Variants in ADARB2 observed in about 807,000 individuals in gnomAD.
The protein encoded by ADARB2 is adenosine deaminase RNA specific B2 (inactive), also known as inactive double-stranded RNA-specific editase B2.
In ADARB2, 25 loss-of-function variants were observed where a neutral mutation model predicts 62.2. The ratio of observed to expected loss-of-function variants is 0.40; its 90% CI spans 0.29 to 0.56. ADARB2 has a LOEUF of 0.56. ADARB2 is among the 20% of genes least tolerant of loss of function. ADARB2 has a pLI of 0.43. For synonymous variants in ADARB2, 572 were observed against 500.8 expected, an observed-to-expected ratio of 1.14 and a Z score of -1.90; for missense variants, 1,071 against 1,077.4, an observed-to-expected ratio of 0.99 and a Z score of 0.08.
chr10:1,371,180 A>G (rs1832366950), intron 2 of ADARB2, among the ~76,000 whole-genome samples: 1 of 152,270 alleles, frequency 6.6e-6, no homozygotes. Flanking sequence ...GCTGACAAAA[A>G]TAAACAATGG....
chr10:1,567,904 C>T (rs1412922344), intron 1 of ADARB2, among the ~76,000 whole-genome samples: 3 of 152,208 alleles, frequency 2.0e-5, no homozygotes, highest in Non-Finnish European at 2.9e-5. Context: ...CCTGACTCCT[C>T]GGAGTGCCCT....
rs917718615 is a variant in ADARB2, at chr10:1,635,882, G to T, written c.100+101169C>A. Among the ~76,000 whole-genome samples, 5 of 152,144 alleles carry T rather than the reference G, an allele frequency of 3.3e-5. No individual in the cohort carries two copies. The South Asian group carries it at 8.3e-4, about 25-fold the overall frequency. ...TCAAAGCCCCTCCACTGACCCAGAG[G>T]CCTCTTATCTAGCAACAGGGCTCTC... is the stretch of plus-strand genomic sequence containing the variant. On this transcript the variant is annotated intron_variant, in intron 1 of 9. Coordinates refer to ENST00000381312, the MANE Select transcript of ADARB2 (RefSeq NM_018702.4).
At chr10:1,463,996 C>T (rs1389264278) in intron 1 of ADARB2, among the ~76,000 whole-genome samples, 3 of 152,208 alleles carry the variant, frequency 2.0e-5, no homozygotes, top group African/African-American at 7.2e-5. Flanking sequence ...GACACACCTG[C>T]GAGAGTGGCT....
At chr10:1,307,416 A>T (rs200692305) in intron 3 of ADARB2, among the ~76,000 whole-genome samples, 224 of 137,426 alleles carry the variant, frequency 1.6e-3, no homozygotes, top group South Asian at 4.3e-3. Context: ...CAATCATTAA[A>T]AAGTCAGGAA....
intron 1 of ADARB2, among the ~76,000 whole-genome samples, chr10:1,390,838 T>C (rs926346820): frequency 2.0e-5 from 3 of 152,230 alleles, no homozygotes; most frequent in African/African-American, 7.2e-5. Flanking sequence ...TCCAGAAAGC[T>C]GCAAGCTGGG....
At chr10:1,440,517 G>A (rs1339414674) in intron 1 of ADARB2, among the ~76,000 whole-genome samples, 1 of 150,760 alleles carries the variant, frequency 6.6e-6, no homozygotes, top group African/African-American at 2.4e-5. Context: ...CCCACATTGT[G>A]ACAAAATTTC....
chr10:1,510,430 C>A (rs942899898), intron 1 of ADARB2, among the ~76,000 whole-genome samples: 2 of 152,114 alleles, frequency 1.3e-5, no homozygotes, highest in Non-Finnish European at 2.9e-5. Flanking sequence ...AATCCTCCCT[C>A]CTCAGCATCC....
chr10:1,202,128 A>C (rs1034085578), intron 7 of ADARB2, among the ~76,000 whole-genome samples: 1 of 151,312 alleles, frequency 6.6e-6, no homozygotes, highest in Non-Finnish European at 1.5e-5. Context: ...TTTTCAATAG[A>C]GACATGGTTT....
chr10:1,615,699 T>G (rs1451523499), intron 1 of ADARB2, among the ~76,000 whole-genome samples: 1 of 152,204 alleles, frequency 6.6e-6, no homozygotes, highest in Non-Finnish European at 1.5e-5. Flanking sequence ...TTTCCTCTAC[T>G]GGAGAAGATG....
At chr10:1,339,132 G>A (rs7906580) in intron 3 of ADARB2, among the ~76,000 whole-genome samples, 3,414 of 152,258 alleles carry the variant, frequency 0.022, 117 homozygotes, top group African/African-American at 0.076. Context: ...GCTCGGCCAC[G>A]CCCTGTGCTG....
In ADARB2 at chr10:1,669,555, GAC is replaced by G. The variant is rs1352735331; in HGVS notation, c.100+67494_100+67495del. ...AGAAAAACACAGGCACACTCAGAGA[GAC>G]ACACACAGACACAAACACACAGACT... On this transcript the variant is annotated intron_variant, in intron 1 of 9. Coordinates refer to ENST00000381312, the MANE Select transcript of ADARB2 (RefSeq NM_018702.4). 4.7e-5 allele frequency among the ~76,000 whole-genome samples: 7 copies of G among 149,598 alleles called. No individual in the cohort carries two copies. In the East Asian group the frequency reaches 5.9e-4, roughly 13 times the overall value.
chr10:1,424,462 A>G (rs1337681000), intron 1 of ADARB2, among the ~76,000 whole-genome samples: 4 of 152,116 alleles, frequency 2.6e-5, no homozygotes, highest in Non-Finnish European at 5.9e-5. Context: ...GACTCGTGGC[A>G]AAGTGTGGAT....
chr10:1,340,181 G>A (rs1253257094), intron 3 of ADARB2, among the ~76,000 whole-genome samples: 9 of 145,046 alleles, frequency 6.2e-5, no homozygotes, highest in African/African-American at 1.9e-4. Context: ...ACCCCACAGC[G>A]GCAATAACCG....
chr10:1,184,410 T>C (rs1836720748), intron 9 of ADARB2, among the ~76,000 whole-genome samples: 1 of 152,210 alleles, frequency 6.6e-6, no homozygotes, highest in Non-Finnish European at 1.5e-5. Context: ...GTCGTGGAAA[T>C]GCTTGGGCTT....
chr10:1,309,952 T>A (rs1308451695), intron 3 of ADARB2, among the ~76,000 whole-genome samples: 1 of 152,246 alleles, frequency 6.6e-6, no homozygotes, highest in Non-Finnish European at 1.5e-5. Flanking sequence ...GGAATCTCCG[T>A]CTTCAGCGTC....
intron 1 of ADARB2, among the ~76,000 whole-genome samples, chr10:1,386,562 C>G (rs1418226248): frequency 1.3e-5 from 2 of 151,740 alleles, no homozygotes; most frequent in African/African-American, 4.8e-5. Flanking sequence ...GAAATATTGC[C>G]AGGGATTAAG....
chr10:1,436,288 C>G (rs1206563554), intron 1 of ADARB2, among the ~76,000 whole-genome samples: 1 of 152,204 alleles, frequency 6.6e-6, no homozygotes, highest in Non-Finnish European at 1.5e-5. Flanking sequence ...GAAACCTATA[C>G]TACCCTAGCA....
chr10:1,211,181 T>A (rs1001465537), intron 7 of ADARB2, among the ~76,000 whole-genome samples: 4 of 150,906 alleles, frequency 2.7e-5, no homozygotes, highest in African/African-American at 9.7e-5. Context: ...ATCTATCATC[T>A]AATTTTCATC....
chr10:1,534,822 G>C (rs12249016), intron 1 of ADARB2: 46,578 of 166,694 alleles, frequency 0.28, 7,131 homozygotes, highest in African/African-American at 0.41. Context: ...AAGGAAAAGA[G>C]TGGGGTGAGA....
Sources: gnomAD v4.1 joint callset for allele counts (sites outside exome capture counted in the v4.1 genomes callset) on GRCh38, gnomAD v4.1.1 for gene constraint, MANE v1.5 for transcripts, NCBI Gene and HGNC (gene_info 2026-07-23, HGNC 2026-07-21) for gene names.